Variants in KLHL4 observed in about 807,000 individuals in gnomAD.
KLHL4 encodes the protein kelch-like protein 4.
KLHL4 carries 17 observed loss-of-function variants against 45.8 expected under a neutral mutation model. That is an observed-to-expected ratio of 0.37 (90% confidence interval 0.25 to 0.56). The LOEUF (loss-of-function observed/expected upper bound fraction) is 0.56, where lower values mean the gene tolerates loss of function less well. Ranked by LOEUF, KLHL4 falls within the 20% of genes least tolerant of loss-of-function variation. The pLI is 0.79. For missense variants in KLHL4, 544 were observed against 544.9 expected (o/e 1.00, Z 0.02); for synonymous variants, 224 against 189.9 (o/e 1.18, Z -1.47).
At chrX:87,559,263 A>G (rs1024342188) in intron 1 of KLHL4, among the ~76,000 whole-genome samples, 1 of 112,169 alleles carries the variant, frequency 8.9e-6, no homozygotes, top group Non-Finnish European at 1.9e-5. Flanking sequence ...ACCCTACACA[A>G]TGGATGAGTG....
At chrX:87,635,474 A>C in intron 8 of KLHL4, 89 bp from the exon 9 acceptor site, 1 of 653,103 alleles carries the variant, frequency 1.5e-6, no homozygotes, top group South Asian at 3.0e-5. Flanking sequence ...CTTTGTACAA[A>C]GTTCTCTCAC....
intron 9 of KLHL4, among the ~76,000 whole-genome samples, chrX:87,638,821 G>A (rs1395089722): frequency 9.0e-6 from 1 of 111,426 alleles, no homozygotes; most frequent in Non-Finnish European, 1.9e-5. Context: ...ATAGCACAAT[G>A]TATAGAATAG....
rs186840447 is a variant in KLHL4, at chrX:87,650,433, G to A, written c.1926-14331G>A. Among the ~76,000 whole-genome samples, 262 of 112,009 alleles carry A rather than the reference G, an allele frequency of 2.3e-3. 1 individual carries two copies. The highest frequency in any genetic ancestry group is 7.8e-3 in the African/African-American group (242 of 30,891). On this transcript the variant is annotated intron_variant, in intron 9 of 10. Transcript: ENST00000373119. ...ATATCTTAACAATATTAAGGCTTCCGCTCCATAAGCAAAAGCTATCTTTCC... is the reference window on the plus strand; with the variant it reads ...ATATCTTAACAATATTAAGGCTTCCACTCCATAAGCAAAAGCTATCTTTCC...
In KLHL4 at chrX:87,635,714, G is replaced by A; in HGVS notation, c.1864G>A (p.Val622Ile). ...VATYNGFLYV[V>I]GGHDAPASNH... is the part of the protein sequence containing the mutation. ...CACATACAATGGATTCTTATATGTT[G>A]TAGGGGGGCATGATGCCCCTGCTTC... is the stretch of plus-strand genomic sequence containing the variant. The change falls in exon 9 of 11, where the codon GTA (valine) becomes ATA (isoleucine). Residue 622 changes from valine to isoleucine, a missense_variant. By Grantham distance (29) the Val-to-Ile change is conservative. Coordinates refer to ENST00000373119, the MANE Select transcript of KLHL4 (RefSeq NM_019117.5). 1 of 1,205,787 alleles carries A rather than the reference G, an allele frequency of 8.3e-7. No homozygotes were observed. Among genetic ancestry groups the A allele is most frequent in the South Asian group, 1.8e-5 (1 of 55,738 alleles).
chrX:87,598,533 AT>A (rs753893506), intron 1 of KLHL4, among the ~76,000 whole-genome samples: 1 of 111,799 alleles, frequency 8.9e-6, no homozygotes, highest in Non-Finnish European at 1.9e-5. Flanking sequence ...CAATCCAACA[AT>A]TTAGCAGCAA....
intron 1 of KLHL4, among the ~76,000 whole-genome samples, chrX:87,553,598 A>G (rs1931887585): frequency 9.2e-6 from 1 of 108,761 alleles, no homozygotes; most frequent in Non-Finnish European, 1.9e-5. Context: ...AGTGGTCTCT[A>G]CAGCGGTTAA....
At chrX:87,573,403 A>G (rs1920999750) in intron 1 of KLHL4, among the ~76,000 whole-genome samples, 1 of 101,338 alleles carries the variant, frequency 9.9e-6, no homozygotes, top group African/African-American at 3.6e-5. Context: ...TGGAGGTTAT[A>G]TACTGAAGTG....
Position 87,627,570 on chromosome X carries a change from T to C in KLHL4, c.1324+1774T>C, listed in dbSNP as rs901237384. Reference sequence around the variant, plus strand: ...AGGAAATAACAGATAACAATGTTTTTGTATTTTGTAACAATAATGTTACAA... The same window carrying C: ...AGGAAATAACAGATAACAATGTTTTCGTATTTTGTAACAATAATGTTACAA... On this transcript the variant is annotated intron_variant, in intron 6 of 10. Coordinates refer to ENST00000373119, the MANE Select transcript of KLHL4 (RefSeq NM_019117.5). Among the ~76,000 whole-genome samples, 3 of 111,690 alleles carry C rather than the reference T, an allele frequency of 2.7e-5. No individual in the cohort carries two copies. In the Admixed American group the frequency reaches 2.9e-4, roughly 11 times the overall value.
intron 1 of KLHL4, among the ~76,000 whole-genome samples, chrX:87,549,738 C>A (rs1931771298): frequency 9.0e-6 from 1 of 110,818 alleles, no homozygotes; most frequent in Non-Finnish European, 1.9e-5. Context: ...AGTGGAAACA[C>A]AACATACTAA....
At chrX:87,646,599 C>T (rs997331518) in intron 9 of KLHL4, among the ~76,000 whole-genome samples, 2 of 111,502 alleles carry the variant, frequency 1.8e-5, no homozygotes, top group African/African-American at 6.5e-5. Flanking sequence ...CAAATACTTA[C>T]AGTCAACTGA....
intron 1 of KLHL4, among the ~76,000 whole-genome samples, chrX:87,573,547 C>T (rs1005577224): frequency 3.6e-5 from 4 of 110,471 alleles, no homozygotes; most frequent in Admixed American, 9.7e-5. Context: ...TTGATGGGGG[C>T]GCATAAGTAT....
chrX:87,598,964 C>A (rs1383000179), intron 1 of KLHL4, among the ~76,000 whole-genome samples: 3 of 110,625 alleles, frequency 2.7e-5, no homozygotes, highest in East Asian at 5.7e-4. Context: ...CATTTTGTAA[C>A]CTTATGTGAG....
intron 9 of KLHL4, among the ~76,000 whole-genome samples, chrX:87,662,065 T>A (rs1403374043): frequency 1.8e-5 from 2 of 111,908 alleles, no homozygotes; most frequent in Non-Finnish European, 3.8e-5. Flanking sequence ...TTTAGTATTA[T>A]TGCTATAATT....
chrX:87,624,051 G>T (rs1922844895), intron 5 of KLHL4, among the ~76,000 whole-genome samples: 1 of 112,132 alleles, frequency 8.9e-6, no homozygotes, highest in South Asian at 3.7e-4. Flanking sequence ...GTGATTTTAG[G>T]CATAAAAAAC....
At chrX:87,550,660 A>T (rs1382098106) in intron 1 of KLHL4, among the ~76,000 whole-genome samples, 1 of 111,813 alleles carries the variant, frequency 8.9e-6, no homozygotes, top group South Asian at 3.7e-4. Flanking sequence ...ATCCACCATG[A>T]TTAAATGGGT....
intron 10 of KLHL4, 52 bp downstream of exon 10, chrX:87,664,987 A>T: frequency 2.5e-6 from 2 of 790,716 alleles, no homozygotes; most frequent in Non-Finnish European, 3.6e-6. Flanking sequence ...TAAAAAGAAG[A>T]TATTAAATTA....
chrX:87,612,044 C>A (rs1486155057), intron 1 of KLHL4, among the ~76,000 whole-genome samples: 1 of 111,507 alleles, frequency 9.0e-6, no homozygotes, highest in Non-Finnish European at 1.9e-5. Context: ...TTTAAAAAAT[C>A]AAATGTTTAA....
In KLHL4 at chrX:87,625,682, A is replaced by G; in HGVS notation, c.1210A>G (p.Met404Val). The G allele has an allele frequency of 8.3e-7, 1 of 1,208,585 alleles. No individual in the cohort carries two copies. Residue 404 changes from methionine (M) to valine (V), a missense_variant, in exon 6 of 11, where the codon ATG becomes GTG. Physicochemically the swap from Met to Val is conservative, Grantham distance 21. Coordinates refer to ENST00000373119, the MANE Select transcript of KLHL4 (RefSeq NM_019117.5). ...GTGTCAGAAGCTCCTGATGGAAGCT[A>G]TGAAGTATCATCTTTTGCCTGAGAG... ...LECQKLLMEAMKYHLLPERRS... is the reference protein window; with the variant it reads ...LECQKLLMEAVKYHLLPERRS...
intron 9 of KLHL4, among the ~76,000 whole-genome samples, chrX:87,637,774 C>G (rs765427502): frequency 1.8e-5 from 2 of 110,689 alleles, no homozygotes; most frequent in South Asian, 3.9e-4. Flanking sequence ...CATGGCAAAA[C>G]CCTTTCTGTA....
Sources: allele counts gnomAD v4.1 joint callset (sites outside exome capture counted in the v4.1 genomes callset), GRCh38; gene constraint gnomAD v4.1.1; transcripts MANE v1.5; gene names NCBI Gene and HGNC (gene_info 2026-07-23, HGNC 2026-07-21).